The following IL1RN variants were observed in gnomAD, a reference collection of about 807,000 sequenced individuals.
The protein encoded by IL1RN is interleukin 1 receptor antagonist.
Under a neutral mutation model 13.7 loss-of-function variants are expected in IL1RN, and 10 were observed. The observed-to-expected ratio is 0.73, with a 90% CI of 0.45 to 1.24. IL1RN has a LOEUF of 1.24. Ranked by LOEUF, IL1RN falls within the 50% of genes most tolerant of loss-of-function variation. IL1RN has a pLI of 0.00. For synonymous variants in IL1RN, 102 were observed against 82.7 expected (o/e 1.23, Z -1.27); for missense variants, 213 against 222.1 (o/e 0.96, Z 0.26).
exon 2 of IL1RN, chr2:113,120,079 A>G: frequency 6.2e-7 from 1 of 1,613,384 alleles, no homozygotes; most frequent in Non-Finnish European, 8.5e-7. Context: ...ACTTGTATGA[A>G]GAAGGAGGTG....
upstream of IL1RN, among the ~76,000 whole-genome samples, chr2:113,108,991 A>G (rs1686428605): frequency 6.6e-6 from 1 of 152,318 alleles, no homozygotes; most frequent in African/African-American, 2.4e-5. Flanking sequence ...AACCACTAAA[A>G]CAAGAGAAAC....
intron 3 of IL1RN, among the ~76,000 whole-genome samples, chr2:113,132,316 T>C (rs1432088948): frequency 1.3e-5 from 2 of 152,100 alleles, no homozygotes; most frequent in Non-Finnish European, 2.9e-5. Context: ...GGTGTGGTGG[T>C]GCATGCCTGT....
intron 1 of IL1RN, among the ~76,000 whole-genome samples, chr2:113,111,414 G>T (rs1025758778): frequency 6.6e-6 from 1 of 152,136 alleles, no homozygotes; most frequent in Non-Finnish European, 1.5e-5. Context: ...CAGTTTATTT[G>T]TCTGTAAAAT....
At chr2:113,116,474 G>A (rs1686595497), upstream of IL1RN, among the ~76,000 whole-genome samples, 2 of 151,496 alleles carry the variant, frequency 1.3e-5, no homozygotes, top group African/African-American at 4.9e-5. Flanking sequence ...AAGTCCCTGC[G>A]GTCGGGAGCA....
chr2:113,117,112 C>T (rs184000277), upstream of IL1RN, among the ~76,000 whole-genome samples: 1 of 152,258 alleles, frequency 6.6e-6, no homozygotes, highest in African/African-American at 2.4e-5. Flanking sequence ...CAAGCAGGTT[C>T]GCTCCCAACG....
At chr2:113,132,441 C>T (rs981263699) in intron 3 of IL1RN, among the ~76,000 whole-genome samples, 2 of 152,176 alleles carry the variant, frequency 1.3e-5, no homozygotes, top group Non-Finnish European at 2.9e-5. Flanking sequence ...GAGCAAGACT[C>T]CGTCTCGGGA....
At chr2:113,106,891 G>C (rs963687541), upstream of IL1RN, among the ~76,000 whole-genome samples, 3 of 101,950 alleles carry the variant, frequency 2.9e-5, no homozygotes, top group Non-Finnish European at 5.7e-5. Flanking sequence ...TGGCATATTT[G>C]AGAAAGAATT....
rs146839968 is a variant in IL1RN at position 113,112,613 on chromosome 2, C to A, written c.-387-387C>A. 7.5e-3 allele frequency among the ~76,000 whole-genome samples: 1,135 copies of A among 152,312 alleles called. 9 individuals are homozygous for A. The highest frequency in any genetic ancestry group is 0.017 in the Middle Eastern group (5 of 294). ...TATAATTGCCTGAATTCCCCGCCCA[C>A]GCTTTCTCTTACTTTGGGGCTTCTC... On this transcript the variant is annotated intron_variant, in intron 1 of 8. Transcript: ENST00000409052.
chr2:113,126,672 T>TCCTC (rs1296883153), upstream of IL1RN, among the ~76,000 whole-genome samples: 1 of 152,012 alleles, frequency 6.6e-6, no homozygotes, highest in African/African-American at 2.4e-5. Flanking sequence ...TACACCTGCT[T>TCCTC]CCTCCCTCCC....
upstream of IL1RN, among the ~76,000 whole-genome samples, chr2:113,104,018 A>T (rs545297312): frequency 2.4e-4 from 37 of 151,712 alleles, no homozygotes; most frequent in East Asian, 3.9e-4. Context: ...TCTTAAACCA[A>T]ATTTTCTCAG....
chr2:113,127,849 G>A (rs1687018545), intron 1 of IL1RN, 109 bp downstream of exon 1: 1 of 1,018,406 alleles, frequency 9.8e-7, no homozygotes, highest in Admixed American at 1.9e-5. Context: ...AACTGGGTTT[G>A]GGCTGGAGAG....
At chr2:113,129,715 C>T (rs1482535148) in intron 2 of IL1RN, 51 bp downstream of exon 2, 1 of 1,195,836 alleles carries the variant, frequency 8.4e-7, no homozygotes, top group Non-Finnish European at 1.3e-6. Flanking sequence ...GTCACTTTGC[C>T]CGTCTGTCTG....
chr2:113,112,739 G>A (rs74756167), intron 1 of IL1RN, among the ~76,000 whole-genome samples: 2,109 of 152,174 alleles, frequency 0.014, 48 homozygotes, highest in African/African-American at 0.047. Context: ...CTCTTTCATC[G>A]TTGCATATAT....
At position 113,132,651 on chromosome 2, in the gene IL1RN, T is replaced by C; in HGVS notation, c.319-5T>C. 6.2e-7 allele frequency: 1 copy of C among 1,613,728 alleles called. No individual in the cohort carries two copies. The highest frequency in any genetic ancestry group is 1.1e-5 in the South Asian group (1 of 91,078). ...GCTCTCACCTGCCCATCTTTTGATT[T>C]CCAGGCAGTTAACATCACTGACCTG... On this transcript the variant is annotated splice_polypyrimidine_tract_variant and splice_region_variant and intron_variant, in intron 3 of 3. Coordinates refer to ENST00000409930, the MANE Select transcript of IL1RN (RefSeq NM_173842.3).
At chr2:113,126,281 C>G (rs1049890178), upstream of IL1RN, among the ~76,000 whole-genome samples, 3 of 152,168 alleles carry the variant, frequency 2.0e-5, no homozygotes, top group African/African-American at 7.2e-5. Flanking sequence ...GTTTCTGAAG[C>G]ATTTGTTAAT....
chr2:113,118,013 C>G (rs749493216), exon 1 of IL1RN: 9 of 1,569,244 alleles, frequency 5.7e-6, no homozygotes, highest in Non-Finnish European at 7.9e-6. Context: ...CTATGAGGCC[C>G]TCCCCATGGC....
upstream of IL1RN, among the ~76,000 whole-genome samples, chr2:113,109,277 G>T (rs7580634): frequency 0.34 from 51,151 of 151,762 alleles, 9,467 homozygotes; most frequent in Middle Eastern, 0.52. Context: ...CTGGGTGTGG[G>T]GGTGCATGCC....
chr2:113,131,469 G>A (rs879385520), intron 3 of IL1RN, among the ~76,000 whole-genome samples: 2 of 152,100 alleles, frequency 1.3e-5, no homozygotes, highest in Non-Finnish European at 2.9e-5. Context: ...GCCTCAACAT[G>A]CAGGCGCTTA....
At chr2:113,103,592 G>A (rs1186158830), upstream of IL1RN, among the ~76,000 whole-genome samples, 1 of 152,194 alleles carries the variant, frequency 6.6e-6, no homozygotes, top group East Asian at 1.9e-4. Context: ...ACCTTGATTT[G>A]AGCCCAGTGT....
Sources: gnomAD v4.1 joint callset for allele counts (sites outside exome capture counted in the v4.1 genomes callset) on GRCh38, gnomAD v4.1.1 for gene constraint, MANE v1.5 for transcripts, NCBI Gene and HGNC (gene_info 2026-07-23, HGNC 2026-07-21) for gene names.